The following MGST1 variants were observed in gnomAD, a reference collection of about 807,000 sequenced individuals.
The protein encoded by MGST1 is microsomal glutathione S-transferase 1, also known as glutathione S-transferase 12.
Under a neutral mutation model 8.9 loss-of-function variants are expected in MGST1, and 5 were observed. The ratio of observed to expected loss-of-function variants is 0.56; its 90% confidence interval spans 0.29 to 1.19. The LOEUF is 1.19. Among genes scored for constraint, MGST1 ranks in the 50% most tolerant of loss-of-function variants. MGST1 has a pLI of 0.08. For synonymous variants in MGST1, 54 were observed against 67.8 expected (o/e 0.80, Z 1.00); for missense variants, 182 against 187.4 (o/e 0.97, Z 0.17).
At chr12:16,558,046 T>C (rs1942258659) in intron 4 of MGST1, among the ~76,000 whole-genome samples, 1 of 151,986 alleles carries the variant, frequency 6.6e-6, no homozygotes, top group Non-Finnish European at 1.5e-5. Flanking sequence ...AAAGCTGAAC[T>C]CAGAAAAGCT....
chr12:16,398,719 G>A (rs542494498), intron 1 of MGST1, among the ~76,000 whole-genome samples: 20 of 152,334 alleles, frequency 1.3e-4, no homozygotes, highest in South Asian at 8.3e-4. Context: ...AGGAAAACTC[G>A]GACAAAGGCA....
intron 4 of MGST1, among the ~76,000 whole-genome samples, chr12:16,515,237 T>G (rs1941604449): frequency 6.6e-6 from 1 of 152,146 alleles, no homozygotes; most frequent in African/African-American, 2.4e-5. Context: ...AAGAGAAGGC[T>G]CTCTTTTCTT....
chr12:16,399,189 A>G (rs1565447225), intron 1 of MGST1: 4 of 1,316,122 alleles, frequency 3.0e-6, no homozygotes, highest in Admixed American at 2.2e-5. Flanking sequence ...AAATGAAAAC[A>G]AAAGGAAAAA....
chr12:16,515,779 G>C (rs1320365299), intron 4 of MGST1, among the ~76,000 whole-genome samples: 1 of 152,094 alleles, frequency 6.6e-6, no homozygotes, highest in Non-Finnish European at 1.5e-5. Flanking sequence ...AATTCCTCCA[G>C]TTGGGATGTT....
intron 4 of MGST1, among the ~76,000 whole-genome samples, chr12:16,571,851 C>T (rs2137446710): frequency 6.6e-6 from 1 of 152,032 alleles, no homozygotes; most frequent in East Asian, 1.9e-4. Flanking sequence ...GTAACATTGT[C>T]TTAAAACTCA....
chr12:16,394,268 T>C (rs934940464), intron 1 of MGST1, among the ~76,000 whole-genome samples: 16 of 152,080 alleles, frequency 1.1e-4, no homozygotes, highest in Non-Finnish European at 2.4e-4. Context: ...TTGTGGCAAG[T>C]ATCTTTTCTT....
chr12:16,364,803 G>T (rs947583773), downstream of MGST1, among the ~76,000 whole-genome samples: 1 of 152,042 alleles, frequency 6.6e-6, no homozygotes, highest in Admixed American at 6.6e-5. This position sits in a 1 kb window ranked among gnomAD's most constrained non-coding sequence, Gnocchi z 5.7. Context: ...AGGATTCAAA[G>T]ATCAAACATT....
chr12:16,425,911 G>A (rs553324635), intron 1 of MGST1, among the ~76,000 whole-genome samples: 3 of 152,224 alleles, frequency 2.0e-5, no homozygotes, highest in African/African-American at 4.8e-5. Flanking sequence ...ATTCATGCTC[G>A]TTTTATTATT....
At chr12:16,457,503 C>G (rs1941184939) in intron 4 of MGST1, among the ~76,000 whole-genome samples, 1 of 151,826 alleles carries the variant, frequency 6.6e-6, no homozygotes, top group African/African-American at 2.4e-5. Context: ...CAGTTGACTT[C>G]CGTGATATTT....
At chr12:16,577,597 C>T (rs541666546) in intron 4 of MGST1, among the ~76,000 whole-genome samples, 11 of 152,220 alleles carry the variant, frequency 7.2e-5, no homozygotes, top group East Asian at 1.9e-4. Context: ...GTTCACAAAA[C>T]GTTTGTGGTA....
intron 4 of MGST1, chr12:16,551,112 C>T: frequency 1.4e-6 from 1 of 706,070 alleles, no homozygotes; most frequent in Non-Finnish European, 2.5e-6. Context: ...TCCTGCCTTC[C>T]TATATCTACG....
Position 16,357,657 on chromosome 12 carries a change from A to C in MGST1, c.179A>C (p.Lys60Thr). The change falls in exon 3 of 4, where the codon AAG becomes ACG. Residue 60 changes from lysine to threonine, a missense_variant. Transcript: ENST00000396210. Reference protein sequence around the residue: ...CVAFGKGENAKKYLRTDDRVE... With the variant: ...CVAFGKGENATKYLRTDDRVE... ...GCATTTGGCAAAGGAGAAAATGCCAAGAAGTATCTTCGAACAGATGACAGA... is the reference window on the plus strand; with the variant it reads ...GCATTTGGCAAAGGAGAAAATGCCACGAAGTATCTTCGAACAGATGACAGA... 6.2e-7 allele frequency: 1 copy of C among 1,614,058 alleles called. No individual in the cohort carries two copies.
chr12:16,505,554 C>T (rs570816926), intron 4 of MGST1, among the ~76,000 whole-genome samples: 18 of 152,148 alleles, frequency 1.2e-4, no homozygotes, highest in South Asian at 1.0e-3. Context: ...TTCTTTCTTC[C>T]GAGATATACC....
chr12:16,360,869 AAC>A (rs1939957534), intron 3 of MGST1, among the ~76,000 whole-genome samples: 2 of 152,176 alleles, frequency 1.3e-5, no homozygotes, highest in African/African-American at 4.8e-5. Flanking sequence ...CCAGTGTATG[AAC>A]ACACATATAT....
At chr12:16,554,582 C>CA (rs1411804644) in intron 4 of MGST1, among the ~76,000 whole-genome samples, 2 of 152,332 alleles carry the variant, frequency 1.3e-5, no homozygotes, top group Non-Finnish European at 1.5e-5. Flanking sequence ...CTTAGTGTAT[C>CA]AAATGACACT....
chr12:16,481,971 G>C (rs1478066036), intron 4 of MGST1, among the ~76,000 whole-genome samples: 2 of 152,076 alleles, frequency 1.3e-5, no homozygotes, highest in Non-Finnish European at 2.9e-5. Context: ...CACAGTAAAA[G>C]AGAGCTTAAA....
At chr12:16,415,865 GCTTA>G (rs1940783383) in intron 1 of MGST1, among the ~76,000 whole-genome samples, 1 of 152,032 alleles carries the variant, frequency 6.6e-6, no homozygotes, top group African/African-American at 2.4e-5. Context: ...GGAATGGCTT[GCTTA>G]CTTATCTTCA....
intron 4 of MGST1, among the ~76,000 whole-genome samples, chr12:16,480,142 C>CTTT (rs57998683): frequency 1.2e-4 from 16 of 129,940 alleles, no homozygotes; most frequent in African/African-American, 1.7e-4. Context: ...TAAAAATTTG[C>CTTT]TTTTTTTTTT....
At chr12:16,452,050 G>A (rs1477578562) in intron 4 of MGST1, among the ~76,000 whole-genome samples, 1 of 151,824 alleles carries the variant, frequency 6.6e-6, no homozygotes, top group Non-Finnish European at 1.5e-5. Flanking sequence ...TGGCTATAAA[G>A]CAATGGTATA....
Sources: gnomAD v4.1 joint callset for allele counts (sites outside exome capture counted in the v4.1 genomes callset) on GRCh38, gnomAD v4.1.1 for gene constraint, Gnocchi (gnomAD v3.1) non-coding constraint, MANE v1.5 for transcripts, NCBI Gene and HGNC (gene_info 2026-07-23, HGNC 2026-07-21) for gene names.